Variants in PARD3B observed in about 807,000 individuals in gnomAD.
PARD3B encodes par-3 family cell polarity regulator beta.
Under a neutral mutation model 130.2 loss-of-function variants are expected in PARD3B, and 103 were observed. The observed-to-expected ratio is 0.79, with a 90% CI of 0.67 to 0.93. The LOEUF is 0.93. PARD3B is among the 40% of genes least tolerant of loss of function. The probability of loss-of-function intolerance (pLI) is 0.00; values close to 1 mark genes in which losing one functional copy is unlikely to be tolerated. For missense variants in PARD3B, 1,609 were observed against 1,499.2 expected (o/e 1.07, Z -1.21); for synonymous variants, 583 against 553.2 (o/e 1.05, Z -0.76).
chr2:205,241,589 A>C lies in PARD3B; in HGVS notation c.2141-4189A>C, dbSNP rs1245968410. 1.3e-5 allele frequency among the ~76,000 whole-genome samples: 2 copies of C among 152,156 alleles called. No homozygotes were observed. Among genetic ancestry groups the C allele is most frequent in the Non-Finnish European group, 2.9e-5 (2 of 67,986 alleles). The stretch of plus-strand genomic sequence containing the variant: ...CTTTAAATACAAATACTTTTTTAAA[A>C]AAGAAAGAAGAAAGAAAAGGAGAAA... On this transcript the variant is annotated intron_variant, in intron 15 of 22. Coordinates refer to ENST00000406610, the MANE Select transcript of PARD3B (RefSeq NM_001302769.2). The surrounding 1 kb of genome is among the most constrained non-coding windows in gnomAD (Gnocchi z 4.2).
chr2:204,790,429 A>G lies in PARD3B; in HGVS notation c.222+104147A>G, dbSNP rs192334127. On this transcript the variant is annotated intron_variant, in intron 2 of 22. Transcript: ENST00000406610. Reference sequence around the variant, plus strand: ...GATAAACCAGCAAAATCTTTGAATCATTAAATAACTTCAAGCGTTGGGAAT... The same window carrying G: ...GATAAACCAGCAAAATCTTTGAATCGTTAAATAACTTCAAGCGTTGGGAAT... Among the ~76,000 whole-genome samples the G allele has an allele frequency of 2.6e-3, 401 of 152,360 alleles. 5 individuals carry two copies. Among genetic ancestry groups the G allele is most frequent in the African/African-American group, 9.3e-3 (386 of 41,592 alleles).
intron 2 of PARD3B, among the ~76,000 whole-genome samples, chr2:204,835,521 T>C (rs2043997147): frequency 6.6e-6 from 1 of 152,152 alleles, no homozygotes; most frequent in Non-Finnish European, 1.5e-5. Context: ...TATCCCCTGC[T>C]CCGTTTGCCA....
intron 3 of PARD3B, among the ~76,000 whole-genome samples, chr2:204,991,069 ATTCT>A (rs1263153529): frequency 5.5e-4 from 82 of 149,664 alleles, no homozygotes; most frequent in Non-Finnish European, 1.0e-3. Context: ...TTCAGTTGTC[ATTCT>A]TTTTTTTTTT....
chr2:205,592,312 A>T lies in PARD3B; in HGVS notation c.3261-23144A>T, dbSNP rs1259407521. Reference sequence around the variant, plus strand: ...TGCTGTACGCCTTGGGAGCTTGGTCATTAGGCAACAAGCAAGATGCCAGTC... The same window carrying T: ...TGCTGTACGCCTTGGGAGCTTGGTCTTTAGGCAACAAGCAAGATGCCAGTC... On this transcript the variant is annotated intron_variant, in intron 22 of 22. Coordinates refer to ENST00000406610, the MANE Select transcript of PARD3B (RefSeq NM_001302769.2). This position sits in a 1 kb window ranked among gnomAD's most constrained non-coding sequence, Gnocchi z 4.5. 1.3e-5 allele frequency among the ~76,000 whole-genome samples: 2 copies of T among 152,200 alleles called. No individual in the cohort carries two copies. Among genetic ancestry groups the T allele is most frequent in the African/African-American group, 4.8e-5 (2 of 41,464 alleles).
chr2:205,609,757 A>T (rs2055162424), intron 22 of PARD3B, among the ~76,000 whole-genome samples: 1 of 152,176 alleles, frequency 6.6e-6, no homozygotes, highest in African/African-American at 2.4e-5. Flanking sequence ...TCACATACTA[A>T]ACTCACCCCC....
At chr2:204,716,804 A>G (rs2038753076) in intron 2 of PARD3B, among the ~76,000 whole-genome samples, 1 of 151,774 alleles carries the variant, frequency 6.6e-6, no homozygotes, top group African/African-American at 2.4e-5. Context: ...TTGTATTTTT[A>G]GTAGAGATGG....
intron 2 of PARD3B, among the ~76,000 whole-genome samples, chr2:204,935,114 A>C (rs1356822536): frequency 6.8e-6 from 1 of 147,066 alleles, no homozygotes; most frequent in Non-Finnish European, 1.5e-5. Flanking sequence ...CTTTTTGTCC[A>C]TATTTACTAT....
intron 14 of PARD3B, among the ~76,000 whole-genome samples, chr2:205,188,783 C>CAAAAAA (rs68034154): frequency 3.1e-5 from 3 of 97,400 alleles, no homozygotes; most frequent in African/African-American, 3.8e-5. Context: ...TTCTGCCTTT[C>CAAAAAA]AAAAAAAAAA....
At chr2:204,620,169 T>C (rs1201041158) in intron 1 of PARD3B, among the ~76,000 whole-genome samples, 1 of 152,102 alleles carries the variant, frequency 6.6e-6, no homozygotes, top group African/African-American at 2.4e-5. Context: ...GCCCGGCTAA[T>C]TTTTTTATTT....
intron 3 of PARD3B, among the ~76,000 whole-genome samples, chr2:205,045,719 G>GTC (rs1034122367): frequency 1.5e-4 from 22 of 149,586 alleles, no homozygotes; most frequent in Middle Eastern, 7.0e-3. Flanking sequence ...GAAAAACCAT[G>GTC]TCTCTCTCTC....
chr2:204,810,279 A>G (rs1053465110), intron 2 of PARD3B, among the ~76,000 whole-genome samples: 7 of 152,014 alleles, frequency 4.6e-5, no homozygotes, highest in Admixed American at 1.3e-4. Flanking sequence ...TTCCCATACT[A>G]TGTTGAATAG....
chr2:204,917,280 G>C (rs138549113), intron 2 of PARD3B, among the ~76,000 whole-genome samples: 276 of 152,338 alleles, frequency 1.8e-3, no homozygotes, highest in African/African-American at 6.1e-3. Flanking sequence ...AGGATCTGTA[G>C]CTGAGGAATG....
intron 12 of PARD3B, among the ~76,000 whole-genome samples, chr2:205,175,034 CA>C (rs1203504751): frequency 6.6e-6 from 1 of 152,070 alleles, no homozygotes; most frequent in African/African-American, 2.4e-5. Flanking sequence ...CTCATCGTGG[CA>C]AAAGCAGAAT....
At chr2:204,916,384 T>C (rs948011824) in intron 2 of PARD3B, among the ~76,000 whole-genome samples, 1 of 152,166 alleles carries the variant, frequency 6.6e-6, no homozygotes, top group Non-Finnish European at 1.5e-5. Context: ...TATAGCATTT[T>C]GTGTTGTATT....
At chr2:205,013,799 A>G (rs1695912053) in intron 3 of PARD3B, among the ~76,000 whole-genome samples, 1 of 152,190 alleles carries the variant, frequency 6.6e-6, no homozygotes, top group African/African-American at 2.4e-5. Context: ...CACAGGGTCA[A>G]AGGGCAGAGT....
At chr2:204,776,861 A>G (rs1177256149) in intron 2 of PARD3B, among the ~76,000 whole-genome samples, 1 of 151,988 alleles carries the variant, frequency 6.6e-6, no homozygotes, top group African/African-American at 2.4e-5. Flanking sequence ...TGCCTGGGCC[A>G]TGGCCCAGAG....
At chr2:205,483,911 G>A (rs757897802) in intron 20 of PARD3B, among the ~76,000 whole-genome samples, 3 of 152,146 alleles carry the variant, frequency 2.0e-5, no homozygotes, top group Non-Finnish European at 2.9e-5. Flanking sequence ...AATAAAACAT[G>A]TTACCTCCTT....
rs1482477610 is a variant in PARD3B at position 205,093,227 on chromosome 2, C to A, written c.505-11199C>A. The stretch of plus-strand genomic sequence containing the variant: ...ATATTCTATTGAAAGTTAACTAAGA[C>A]CCTTTAAGGAAAAGGAACAGATTTG... On this transcript the variant is annotated intron_variant, in intron 4 of 22. Coordinates refer to ENST00000406610, the MANE Select transcript of PARD3B (RefSeq NM_001302769.2). Among the ~76,000 whole-genome samples the A allele has an allele frequency of 3.9e-5, 6 of 152,052 alleles. No individual in the cohort carries two copies. In the East Asian group the frequency reaches 5.8e-4, roughly 15 times the overall value.
At chr2:205,104,853 C>T (rs1703089317) in intron 5 of PARD3B, among the ~76,000 whole-genome samples, 1 of 152,184 alleles carries the variant, frequency 6.6e-6, no homozygotes, top group Admixed American at 6.6e-5. Context: ...TCTTTGAAAG[C>T]ACCAAATCCT....
Sources: allele counts gnomAD v4.1 joint callset (sites outside exome capture counted in the v4.1 genomes callset), GRCh38; gene constraint gnomAD v4.1.1; non-coding constraint Gnocchi (gnomAD v3.1); transcripts MANE v1.5; gene names NCBI Gene and HGNC (gene_info 2026-07-23, HGNC 2026-07-21).